EGFLAM: variants seen among roughly 807,000 people sequenced by gnomAD.
EGFLAM encodes the protein pikachurin.
A neutral mutation model predicts 113.1 loss-of-function variants in EGFLAM; 79 were observed. The observed-to-expected ratio is 0.70, with a 90% CI of 0.58 to 0.84. EGFLAM has a LOEUF of 0.84. EGFLAM is among the 40% of genes least tolerant of loss of function. The pLI is 0.00. For synonymous variants in EGFLAM, 504 were observed against 487.6 expected (o/e 1.03, Z -0.44); for missense variants, 1,265 against 1,291.6 (o/e 0.98, Z 0.32).
chr5:38,268,181 A>T (rs1167966286), intron 1 of EGFLAM, among the ~76,000 whole-genome samples: 1 of 152,130 alleles, frequency 6.6e-6, no homozygotes, highest in Non-Finnish European at 1.5e-5. Flanking sequence ...AATTAGCATT[A>T]CCTATTGTAA....
intron 1 of EGFLAM, among the ~76,000 whole-genome samples, chr5:38,269,624 G>A (rs554843687): frequency 2.2e-4 from 34 of 151,892 alleles, no homozygotes; most frequent in African/African-American, 8.2e-4. Context: ...CGAGTAGCTG[G>A]GACTACAGGT....
chr5:38,407,929 G>GA (rs1362362775), intron 9 of EGFLAM, 24 bp downstream of exon 9: 1 of 1,562,148 alleles, frequency 6.4e-7, no homozygotes, highest in African/African-American at 1.4e-5. Flanking sequence ...GTTGTTTGAT[G>GA]AGTGCTTTTT....
At position 38,464,150 on chromosome 5, in the gene EGFLAM, C is replaced by A; in HGVS notation, c.*164C>A. ...AGAAACTGAGAACCAAGACAGGCAT[C>A]CCTGGGTGGCCTTTCCTGCTGACAC... On this transcript the variant is annotated 3_prime_UTR_variant, in exon 22 of 22. Coordinates refer to ENST00000322350, the MANE Select transcript of EGFLAM (RefSeq NM_152403.4). 1 of 907,672 alleles carries A rather than the reference C, an allele frequency of 1.1e-6. No individual in the cohort carries two copies. Among genetic ancestry groups the A allele is most frequent in the Non-Finnish European group, 1.6e-6 (1 of 622,476 alleles). The allele number at this position is 907,672 out of a possible 1,614,324, so 56.2% of individuals were successfully genotyped here. A position where few individuals can be genotyped will look rare whatever the true frequency, so the allele number is the denominator to read the frequency against.
chr5:38,360,244 T>C (rs920953405), intron 5 of EGFLAM, among the ~76,000 whole-genome samples: 2 of 152,204 alleles, frequency 1.3e-5, no homozygotes. Context: ...ATGGTCAAGG[T>C]CAAAAGCTGT....
chr5:38,288,753 CA>C (rs375042357), intron 1 of EGFLAM, among the ~76,000 whole-genome samples: 2 of 152,246 alleles, frequency 1.3e-5, no homozygotes, highest in East Asian at 3.9e-4. Context: ...TTTTCTTTAA[CA>C]AGTTACATAT....
chr5:38,446,645 T>C (rs367704468), intron 17 of EGFLAM, among the ~76,000 whole-genome samples: 8 of 152,216 alleles, frequency 5.3e-5, no homozygotes, highest in African/African-American at 1.9e-4. Flanking sequence ...CTTCCAGGGC[T>C]GTGCTGCTTC....
intron 1 of EGFLAM, among the ~76,000 whole-genome samples, chr5:38,262,770 T>C (rs1051307696): frequency 1.3e-5 from 2 of 152,244 alleles, no homozygotes; most frequent in Admixed American, 1.3e-4. Flanking sequence ...TAGGCTATTA[T>C]GAATAAAGTT....
chr5:38,396,432 A>G (rs1417141864), intron 6 of EGFLAM, among the ~76,000 whole-genome samples: 1 of 152,232 alleles, frequency 6.6e-6, no homozygotes, highest in African/African-American at 2.4e-5. Context: ...GTATCAGATT[A>G]TAACTGGGGT....
At position 38,389,886 on chromosome 5, in the gene EGFLAM, A is replaced by G. The variant is rs372673029; in HGVS notation, c.713-16240A>G. ...CTACATCACTGATTCAAGTTTCTAC[A>G]GTATTCATTTTGTTTCTTATTATTG... On this transcript the variant is annotated intron_variant, in intron 6 of 21. Coordinates refer to ENST00000322350, the MANE Select transcript of EGFLAM (RefSeq NM_152403.4). 3.9e-5 allele frequency among the ~76,000 whole-genome samples: 6 copies of G among 152,144 alleles called. No homozygotes were observed. In the East Asian group the frequency reaches 9.6e-4, roughly 24 times the overall value.
At position 38,382,891 on chromosome 5, in the gene EGFLAM, G is replaced by T. The variant is rs186306289; in HGVS notation, c.712+12429G>T. 1.4e-3 allele frequency among the ~76,000 whole-genome samples: 211 copies of T among 152,240 alleles called. 1 individual carries two copies. Among genetic ancestry groups the T allele is most frequent in the African/African-American group, 4.9e-3 (204 of 41,552 alleles). ...CTACCATATTTTAAAATGTGATTGT[G>T]TCTCCATTTTGGCCCAGTGGAATGT... On this transcript the variant is annotated intron_variant, in intron 6 of 21. Coordinates refer to ENST00000322350, the MANE Select transcript of EGFLAM (RefSeq NM_152403.4).
intron 1 of EGFLAM, among the ~76,000 whole-genome samples, chr5:38,320,885 T>A (rs1396660630): frequency 6.6e-6 from 1 of 152,052 alleles, no homozygotes; most frequent in Non-Finnish European, 1.5e-5. Flanking sequence ...CATGACCACA[T>A]AGGAACTCCT....
intron 17 of EGFLAM, among the ~76,000 whole-genome samples, chr5:38,444,637 G>A (rs978954568): frequency 1.9e-4 from 29 of 152,146 alleles, no homozygotes; most frequent in African/African-American, 7.0e-4. Flanking sequence ...ATTAGGTATA[G>A]GGTTAGGTTA....
At chr5:38,334,918 C>A (rs1381727320) in intron 1 of EGFLAM, among the ~76,000 whole-genome samples, 1 of 152,142 alleles carries the variant, frequency 6.6e-6, no homozygotes, top group Non-Finnish European at 1.5e-5. Context: ...CCTTGGGGAG[C>A]ATTTGGTAAT....
chr5:38,311,251 C>A (rs79134624), intron 1 of EGFLAM, among the ~76,000 whole-genome samples: 2,011 of 152,106 alleles, frequency 0.013, 46 homozygotes, highest in African/African-American at 0.045. Flanking sequence ...TTTCAAGTAT[C>A]CATTATTATT....
chr5:38,448,121 C>T, intron 17 of EGFLAM, 180 bp from the exon 18 acceptor site: 1 of 643,440 alleles, frequency 1.6e-6, no homozygotes, highest in African/African-American at 1.8e-5. Flanking sequence ...GAAGCCAACC[C>T]CAGGCCATGG....
At chr5:38,350,382 A>G (rs1161064029) in intron 3 of EGFLAM, 119 bp from the exon 4 acceptor site, 2 of 980,174 alleles carry the variant, frequency 2.0e-6, no homozygotes, top group African/African-American at 1.6e-5. Flanking sequence ...ACAAAGCAAA[A>G]CATTCTCTGT....
At chr5:38,453,752 A>C (rs1033970845) in intron 19 of EGFLAM, among the ~76,000 whole-genome samples, 3 of 152,150 alleles carry the variant, frequency 2.0e-5, no homozygotes, top group African/African-American at 7.2e-5. Context: ...GATTGTGCCC[A>C]GAAAAGAGAA....
At chr5:38,259,066 A>G (rs1757432963) in intron 1 of EGFLAM, among the ~76,000 whole-genome samples, 1 of 152,212 alleles carries the variant, frequency 6.6e-6, no homozygotes, top group Admixed American at 6.5e-5. Flanking sequence ...AAGAATGATC[A>G]ATTTTCCAGA....
chr5:38,390,923 A>G (rs1740790092), intron 6 of EGFLAM, among the ~76,000 whole-genome samples: 1 of 152,126 alleles, frequency 6.6e-6, no homozygotes, highest in Admixed American at 6.6e-5. Context: ...CATGTGTTGC[A>G]GGTATCTCCT....
Sources: allele counts gnomAD v4.1 joint callset (sites outside exome capture counted in the v4.1 genomes callset), GRCh38; gene constraint gnomAD v4.1.1; transcripts MANE v1.5; gene names NCBI Gene and HGNC (gene_info 2026-07-23, HGNC 2026-07-21).